The following LGI3 variants were observed in gnomAD, a reference collection of about 807,000 sequenced individuals.
The protein encoded by LGI3 is leucine-rich repeat LGI family member 3.
In LGI3, 47 loss-of-function variants were observed where a neutral mutation model predicts 55.4. That is an observed-to-expected ratio of 0.85 (90% CI 0.67 to 1.08). The LOEUF (loss-of-function observed/expected upper bound fraction) is 1.08, where lower values mean the gene tolerates loss of function less well. LGI3 is among the 50% of genes least tolerant of loss of function. The probability of loss-of-function intolerance (pLI) is 0.00; values close to 1 mark genes in which losing one functional copy is unlikely to be tolerated. For synonymous variants in LGI3, 326 were observed against 315.0 expected, an observed-to-expected ratio of 1.04 and a Z score of -0.37; for missense variants, 664 against 726.3, an observed-to-expected ratio of 0.91 and a Z score of 0.99.
rs767020293 is a variant in LGI3 at position 22,148,642 on chromosome 8, G to A, written c.1165C>T (p.Arg389Trp). ...TGGGAGCTGCTGGACACAATCAGCC[G>A]TGGCTTGCCCTCGCCGTCCACAAAC... ...LEFVDGEGKP[R>W]LIVSSSSQAP... The change falls in exon 8 of 8, where the codon CGG becomes TGG. Residue 389 changes from arginine to tryptophan, a missense_variant. Coordinates refer to ENST00000306317, the MANE Select transcript of LGI3 (RefSeq NM_139278.4). The surrounding 1 kb of genome is among the most constrained non-coding windows in gnomAD (Gnocchi z 7.0). 1.9e-5 allele frequency: 30 copies of A among 1,613,862 alleles called. No homozygotes were observed. Among genetic ancestry groups the A allele is most frequent in the South Asian group, 5.5e-5 (5 of 91,082 alleles).
chr8:22,149,005 C>G, intron 7 of LGI3, 28 bp from the exon 8 acceptor site: 1 of 1,553,506 alleles, frequency 6.4e-7, no homozygotes, highest in Non-Finnish European at 8.7e-7. Context: ...CAGACAGCAT[C>G]AGGCAGGCCG....
intron 3 of LGI3, 93 bp from the exon 4 acceptor site, chr8:22,154,306 G>C: frequency 9.1e-7 from 1 of 1,093,200 alleles, no homozygotes; most frequent in Non-Finnish European, 1.4e-6. Flanking sequence ...TTCAGCCCGT[G>C]TCCCCGAGAC....
At position 22,147,634 on chromosome 8, in the gene LGI3, G is replaced by A. The variant is rs1483548009; in HGVS notation, c.*526C>T. On this transcript the variant is annotated 3_prime_UTR_variant, in exon 8 of 8. Transcript: ENST00000306317. ...CCGGGTGCAGTCGGGGCGTGTGAGTGTGTAATGAGTGTGTCCGTCCGCGTC... is the reference window on the plus strand; with the variant it reads ...CCGGGTGCAGTCGGGGCGTGTGAGTATGTAATGAGTGTGTCCGTCCGCGTC... 1.3e-5 allele frequency: 2 copies of A among 159,242 alleles called. No individual in the cohort carries two copies. The highest frequency in any genetic ancestry group is 1.2e-4 in the Admixed American group (2 of 17,094). 9.9% of individuals were successfully genotyped at this position (159,242 alleles called of 1,614,324 possible). A position where few individuals can be genotyped will look rare whatever the true frequency, so the allele number is the denominator to read the frequency against.
At chr8:22,154,266 G>T in intron 3 of LGI3, 53 bp from the exon 4 acceptor site, 1 of 1,431,750 alleles carries the variant, frequency 7.0e-7, no homozygotes. Context: ...CAGACCCCCA[G>T]CAGCACTCGC....
chr8:22,151,486 T>A lies in LGI3; in HGVS notation c.829+3A>T. The A allele has an allele frequency of 6.2e-7, 1 of 1,613,586 alleles. No individual in the cohort carries two copies. Among genetic ancestry groups the A allele is most frequent in the Non-Finnish European group, 8.5e-7 (1 of 1,179,776 alleles). Reference sequence around the variant, plus strand: ...CCAGCAGAACCAGATTGGGCGCAGGTACCTGGGATTCTATCATAGTCTCGA... The same window carrying A: ...CCAGCAGAACCAGATTGGGCGCAGGAACCTGGGATTCTATCATAGTCTCGA... On this transcript the variant is annotated splice_donor_region_variant and intron_variant, in intron 7 of 7. Coordinates refer to ENST00000306317, the MANE Select transcript of LGI3 (RefSeq NM_139278.4).
At position 22,147,558 on chromosome 8, in the gene LGI3, T is replaced by C. The variant is rs925503923; in HGVS notation, c.*602A>G. 6.5e-6 allele frequency: 1 copy of C among 152,932 alleles called. No individual in the cohort carries two copies. The highest frequency in any genetic ancestry group is 1.5e-5 in the Non-Finnish European group (1 of 68,708). The allele number at this position is 152,932 out of a possible 1,614,324, so 9.5% of individuals were successfully genotyped here. On this transcript the variant is annotated 3_prime_UTR_variant, in exon 8 of 8. Transcript: ENST00000306317. ...GGTAACAGGAGAGCCTGGTAGGCAG[T>C]GCTGAATCTGCTTGTATGCACACGT...
intron 5 of LGI3, among the ~76,000 whole-genome samples, chr8:22,153,402 G>C (rs931671328): frequency 2.7e-5 from 4 of 148,772 alleles, no homozygotes; most frequent in South Asian, 4.5e-4. Context: ...GGCTGAGCAC[G>C]GTGGCTCAGC....
At chr8:22,154,452 T>C in intron 3 of LGI3, 108 bp downstream of exon 3, 2 of 1,013,354 alleles carry the variant, frequency 2.0e-6, no homozygotes, top group South Asian at 1.3e-5. Context: ...TCCCATCACC[T>C]TCCCTTCCTG....
chr8:22,147,993 T>C lies in LGI3; in HGVS notation c.*167A>G. 1 of 628,296 alleles carries C rather than the reference T, an allele frequency of 1.6e-6. No individual in the cohort carries two copies. Among genetic ancestry groups the C allele is most frequent in the East Asian group, 2.7e-5 (1 of 36,684 alleles). The allele number at this position is 628,296 out of a possible 1,614,324, so 38.9% of individuals were successfully genotyped here. ...CTGATTGCAGTGATGATGCACGTCC[T>C]CCTGGGCCAGTCCACGGGGTGCGCC... On this transcript the variant is annotated 3_prime_UTR_variant, in exon 8 of 8. Coordinates refer to ENST00000306317, the MANE Select transcript of LGI3 (RefSeq NM_139278.4).
chr8:22,148,160 C>G lies in LGI3; in HGVS notation c.1647G>C (p.Ter549TyrextTer21). 6.3e-7 allele frequency: 1 copy of G among 1,589,474 alleles called. No individual in the cohort carries two copies. Among genetic ancestry groups the G allele is most frequent in the Non-Finnish European group, 8.6e-7 (1 of 1,168,490 alleles). The change falls in exon 8 of 8, where the codon TAG becomes TAC. Residue 549 changes from the stop codon to tyrosine (Y), a stop_lost. Transcript: ENST00000306317. This position sits in a 1 kb window ranked among gnomAD's most constrained non-coding sequence, Gnocchi z 7.0. ...YRHIVVDLSA* is the reference protein window; with the variant it reads ...YRHIVVDLSAY ...AGGAGACCAGAGGCCTCGGCACCCC[C>G]TAGGCACTGAGATCCACCACAATGT...
chr8:22,150,311 G>A (rs1221456487), intron 7 of LGI3, among the ~76,000 whole-genome samples: 2 of 146,238 alleles, frequency 1.4e-5, no homozygotes, highest in African/African-American at 5.1e-5. Context: ...ACAGGGCAAT[G>A]TAAGTTTTCT....
At chr8:22,154,274 C>T (rs73225826) in intron 3 of LGI3, 61 bp from the exon 4 acceptor site, 199,044 of 1,343,470 alleles carry the variant, frequency 0.15, 15,535 homozygotes, top group Middle Eastern at 0.19. Context: ...CAGCAGCACT[C>T]GCCCTACGCC....
Position 22,148,514 on chromosome 8 carries a change from G to A in LGI3, c.1293C>T (p.Ala431=), listed in dbSNP as rs143822732. 91 of 1,613,328 alleles carry A rather than the reference G, an allele frequency of 5.6e-5. No homozygotes were observed. Among genetic ancestry groups the A allele is most frequent in the Non-Finnish European group, 7.1e-5 (84 of 1,180,000 alleles). Residue 431 remains alanine, a synonymous_variant, in exon 8 of 8, where the codon GCC becomes GCT. Coordinates refer to ENST00000306317, the MANE Select transcript of LGI3 (RefSeq NM_139278.4). The surrounding 1 kb of genome is among the most constrained non-coding windows in gnomAD (Gnocchi z 7.0). ...TGAGGCACAGGTAGCTGTCGCGGCCGGCACGAAAGTGTTTCACAGCTTGGG... is the reference window on the plus strand; with the variant it reads ...TGAGGCACAGGTAGCTGTCGCGGCCAGCACGAAAGTGTTTCACAGCTTGGG... ...PDAQAVKHFR[A]GRDSYLCLSR...
Position 22,151,998 on chromosome 8 carries a change from T to A in LGI3, c.497A>T (p.Asp166Val). 1 of 1,595,426 alleles carries A rather than the reference T, an allele frequency of 6.3e-7. No homozygotes were observed. The highest frequency in any genetic ancestry group is 8.6e-7 in the Non-Finnish European group (1 of 1,167,150). ...ACAGTTGAGTGAGTTGCCCCGCAGG[T>A]CCCTGCATCATGAGGGCAGAGGAGG... Reference protein sequence around the residue: ...FRPLDILNDLDLRGNSLNCDC... With the variant: ...FRPLDILNDLVLRGNSLNCDC... Residue 166 changes from aspartate (D) to valine (V), a missense_variant and splice_region_variant, in exon 6 of 8, where the codon GAC becomes GTC. By Grantham distance (152) the Asp-to-Val change is radical (BLOSUM62 -3). Transcript: ENST00000306317.
intron 7 of LGI3, 72 bp from the exon 8 acceptor site, chr8:22,149,049 G>C (rs1827345735): frequency 8.9e-7 from 1 of 1,117,918 alleles, no homozygotes; most frequent in African/African-American, 1.6e-5. Context: ...CCTTGGAGAA[G>C]GCCAGTCCCT....
At chr8:22,154,448 C>T in intron 3 of LGI3, 112 bp downstream of exon 3, 1 of 988,674 alleles carries the variant, frequency 1.0e-6, no homozygotes, top group Non-Finnish European at 1.6e-6. Context: ...CGCCTCCCAT[C>T]ACCTTCCCTT....
In LGI3 at chr8:22,148,173, T is replaced by C. The variant is rs1344925942; in HGVS notation, c.1634A>G (p.Asp545Gly). ...CCTCGGCACCCCCTAGGCACTGAGA[T>C]CCACCACAATGTGTCTATACACCAG... ...QTLVYRHIVV[D>G]LSA is the part of the protein sequence containing the mutation. Residue 545 changes from aspartate (D) to glycine (G), a missense_variant, in exon 8 of 8, where the codon GAT becomes GGT. Asp to Gly is a moderately conservative substitution (Grantham distance 94). Transcript: ENST00000306317. The surrounding 1 kb of genome is among the most constrained non-coding windows in gnomAD (Gnocchi z 7.0). The C allele has an allele frequency of 4.4e-6, 7 of 1,600,142 alleles. No individual in the cohort carries two copies. Among genetic ancestry groups the C allele is most frequent in the African/African-American group, 1.3e-5 (1 of 74,342 alleles).
In LGI3 at chr8:22,156,533, GC is replaced by G; in HGVS notation, c.9del (p.Leu4CysfsTer66). MAGLRARGGPGPG... is the reference protein window; with the variant it reads MAXLRARGGPGPG... ...GGCCCCGGGCCCCCCCTGGCCCGCA[GC>G]CCCGCCATGCTGCCCGCGATCTCTC... On this transcript the variant is annotated frameshift_variant, in exon 1 of 8. Transcript: ENST00000306317. LOFTEE classifies it high-confidence loss of function. 1 of 1,291,296 alleles carries G rather than the reference GC, an allele frequency of 7.7e-7. No individual in the cohort carries two copies. The allele number at this position is 1,291,296 out of a possible 1,614,324, so 80.0% of individuals were successfully genotyped here. A position where few individuals can be genotyped will look rare whatever the true frequency, so the allele number is the denominator to read the frequency against.
rs1219202293 is a variant in LGI3 at position 22,148,258 on chromosome 8, A to G, written c.1549T>C (p.Cys517Arg). 5.0e-6 allele frequency: 8 copies of G among 1,614,006 alleles called. No homozygotes were observed. Among genetic ancestry groups the G allele is most frequent in the Non-Finnish European group, 6.8e-6 (8 of 1,180,012 alleles). The change falls in exon 8 of 8, where the codon TGC becomes CGC. Residue 517 changes from cysteine to arginine, a missense_variant. By Grantham distance (180) the Cys-to-Arg change is radical. Coordinates refer to ENST00000306317, the MANE Select transcript of LGI3 (RefSeq NM_139278.4). The surrounding 1 kb of genome is among the most constrained non-coding windows in gnomAD (Gnocchi z 7.0). ...ELAVQAPRAF[C>R]YMPAGDAQLL... ...TGGGCGTCCCCAGCAGGCATGTAGCAGAAGGCCCGAGGAGCCTGCACAGCC... is the reference window on the plus strand; with the variant it reads ...TGGGCGTCCCCAGCAGGCATGTAGCGGAAGGCCCGAGGAGCCTGCACAGCC...
Sources: allele counts gnomAD v4.1 joint callset (sites outside exome capture counted in the v4.1 genomes callset), GRCh38; gene constraint gnomAD v4.1.1; non-coding constraint Gnocchi (gnomAD v3.1); transcripts MANE v1.5; gene names NCBI Gene and HGNC (gene_info 2026-07-23, HGNC 2026-07-21).